GTF2F2: variants seen among roughly 807,000 people sequenced by gnomAD.
GTF2F2 encodes the protein ATP-dependent helicase GTF2F2.
Under a neutral mutation model 42.2 loss-of-function variants are expected in GTF2F2, and 23 were observed. The observed-to-expected ratio is 0.55, with a 90% confidence interval of 0.39 to 0.77. The LOEUF (loss-of-function observed/expected upper bound fraction) is 0.77. Ranked by LOEUF, GTF2F2 falls within the 30% of genes least tolerant of loss-of-function variation. The pLI, the probability that GTF2F2 is intolerant of heterozygous loss-of-function variation, is 0.00. For missense variants in GTF2F2, 261 were observed against 287.2 expected, an observed-to-expected ratio of 0.91 and a Z score of 0.66; for synonymous variants, 105 against 100.8, an observed-to-expected ratio of 1.04 and a Z score of -0.25.
intron 4 of GTF2F2, among the ~76,000 whole-genome samples, chr13:45,176,296 A>C (rs1311493755): frequency 2.0e-5 from 3 of 152,108 alleles, no homozygotes; most frequent in Non-Finnish European, 4.4e-5. Context: ...TTTTTGTTTT[A>C]ACTCCTCTCT....
intron 5 of GTF2F2, among the ~76,000 whole-genome samples, chr13:45,212,532 T>TTCTTTCTCTCTC (rs1265652338): frequency 1.5e-5 from 2 of 137,700 alleles, no homozygotes; most frequent in Non-Finnish European, 3.2e-5. Flanking sequence ...CTTTCTCTCT[T>TTCTTTCTCTCTC]TCTCACTTTC....
At chr13:45,131,913 A>AAG (rs1246131164) in intron 1 of GTF2F2, among the ~76,000 whole-genome samples, 1 of 150,998 alleles carries the variant, frequency 6.6e-6, no homozygotes, top group Non-Finnish European at 1.5e-5. Context: ...AAAAAAAAAA[A>AAG]AAAAAAAAGA....
At chr13:45,124,364 G>C (rs552950690) in intron 1 of GTF2F2, among the ~76,000 whole-genome samples, 15 of 151,688 alleles carry the variant, frequency 9.9e-5, no homozygotes, top group Non-Finnish European at 1.8e-4. Flanking sequence ...TTACAGGCGT[G>C]AGCCACTGCA....
intron 2 of GTF2F2, among the ~76,000 whole-genome samples, chr13:45,139,731 CT>C (rs1388729434): frequency 2.6e-5 from 4 of 152,170 alleles, no homozygotes; most frequent in African/African-American, 4.8e-5. Context: ...AAAGTATAAA[CT>C]CTACCAGGTC....
At chr13:45,205,090 G>A (rs925653139) in intron 4 of GTF2F2, among the ~76,000 whole-genome samples, 3 of 152,150 alleles carry the variant, frequency 2.0e-5, no homozygotes, top group Admixed American at 6.6e-5. Context: ...TAAGTGGGGA[G>A]CATTCACTTA....
intron 2 of GTF2F2, among the ~76,000 whole-genome samples, 178 bp downstream of exon 2, chr13:45,136,984 C>A (rs921361971): frequency 1.1e-4 from 17 of 152,206 alleles, no homozygotes; most frequent in Non-Finnish European, 5.9e-5. Flanking sequence ...CTTGCACATA[C>A]ACACATATCC....
chr13:45,209,324 A>G (rs1196216551), intron 5 of GTF2F2, among the ~76,000 whole-genome samples: 1 of 152,236 alleles, frequency 6.6e-6, no homozygotes, highest in Non-Finnish European at 1.5e-5. Context: ...AGAGTATACC[A>G]TCTAGGTTTG....
intron 5 of GTF2F2, among the ~76,000 whole-genome samples, chr13:45,230,171 G>A (rs767321723): frequency 2.6e-5 from 4 of 151,702 alleles, no homozygotes; most frequent in Non-Finnish European, 4.4e-5. Context: ...AGCCAAGATC[G>A]CACCACTGCA....
chr13:45,160,952 C>G lies in GTF2F2; in HGVS notation c.304+9121C>G, dbSNP rs543055712. Among the ~76,000 whole-genome samples the G allele has an allele frequency of 2.6e-5, 4 of 152,240 alleles. No homozygotes were observed. In the East Asian group the frequency reaches 7.7e-4, roughly 29 times the overall value. Reference sequence around the variant, plus strand: ...GTTGCAACTATGCTTTTCTTTGAGGCAATCATCTTATGTTAGTGTCCAGCA... The same window carrying G: ...GTTGCAACTATGCTTTTCTTTGAGGGAATCATCTTATGTTAGTGTCCAGCA... On this transcript the variant is annotated intron_variant, in intron 4 of 7. Transcript: ENST00000340473.
At chr13:45,223,262 TAAAA>T (rs60690884) in intron 5 of GTF2F2, among the ~76,000 whole-genome samples, 3 of 96,304 alleles carry the variant, frequency 3.1e-5, no homozygotes, top group African/African-American at 1.1e-4. Flanking sequence ...CTTGTCTCAA[TAAAA>T]AAAAAAAAAA....
intron 5 of GTF2F2, among the ~76,000 whole-genome samples, chr13:45,224,766 T>C (rs1046350263): frequency 1.3e-5 from 2 of 152,224 alleles, no homozygotes; most frequent in African/African-American, 4.8e-5. Flanking sequence ...TTGCCAAAGC[T>C]TGTTTTTCTG....
At chr13:45,140,535 A>C (rs1869874269) in intron 2 of GTF2F2, among the ~76,000 whole-genome samples, 1 of 152,176 alleles carries the variant, frequency 6.6e-6, no homozygotes, top group Non-Finnish European at 1.5e-5. Flanking sequence ...TTTTATATGA[A>C]TCCATTAAGA....
In GTF2F2 at chr13:45,169,716, C is replaced by A. The variant is rs545948115; in HGVS notation, c.304+17885C>A. ...GATTTCTCACAAAGTGAACACATCC[C>A]TGTAACCACCACTCAGGTAACAAAA... On this transcript the variant is annotated intron_variant, in intron 4 of 7. Coordinates refer to ENST00000340473, the MANE Select transcript of GTF2F2 (RefSeq NM_004128.3). Among the ~76,000 whole-genome samples, 5 of 152,344 alleles carry A rather than the reference C, an allele frequency of 3.3e-5. No homozygotes were observed. The East Asian group carries it at 9.6e-4, about 29-fold the overall frequency.
chr13:45,175,413 A>G lies in GTF2F2; in HGVS notation c.304+23582A>G, dbSNP rs558588773. Among the ~76,000 whole-genome samples the G allele has an allele frequency of 6.7e-4, 102 of 152,308 alleles. 1 individual carries two copies. Among genetic ancestry groups the G allele is most frequent in the South Asian group, 4.3e-3 (21 of 4,830 alleles). ...CTGCAATAAACATAGGAGTGCAGAC[A>G]TCTCTTCAACATACTGATTTCCTTT... is the stretch of plus-strand genomic sequence containing the variant. On this transcript the variant is annotated intron_variant, in intron 4 of 7. Coordinates refer to ENST00000340473, the MANE Select transcript of GTF2F2 (RefSeq NM_004128.3).
intron 4 of GTF2F2, among the ~76,000 whole-genome samples, chr13:45,183,915 G>C (rs1166573150): frequency 4.6e-5 from 7 of 151,898 alleles, no homozygotes; most frequent in African/African-American, 1.5e-4. Context: ...GGGTACAGTG[G>C]CACGATCTTG....
intron 4 of GTF2F2, chr13:45,206,590 T>C (rs768720418): frequency 1.3e-5 from 2 of 152,214 alleles, no homozygotes; most frequent in Non-Finnish European, 2.9e-5. Flanking sequence ...ACCACAGTCA[T>C]ACATTTCCAG....
chr13:45,253,703 A>G (rs886815458), intron 6 of GTF2F2, among the ~76,000 whole-genome samples: 18 of 152,342 alleles, frequency 1.2e-4, no homozygotes, highest in South Asian at 4.1e-4. Context: ...TTTGTCCAGT[A>G]TATCCACATT....
intron 4 of GTF2F2, among the ~76,000 whole-genome samples, chr13:45,190,874 C>T (rs1434762161): frequency 6.6e-6 from 1 of 150,726 alleles, no homozygotes; most frequent in Non-Finnish European, 1.5e-5. Context: ...CCTCAGCCTC[C>T]CAAGTAGCTG....
intron 5 of GTF2F2, among the ~76,000 whole-genome samples, chr13:45,227,016 C>G (rs1025512194): frequency 4.6e-5 from 7 of 152,112 alleles, no homozygotes; most frequent in Non-Finnish European, 1.0e-4. Context: ...TGGGAGATCT[C>G]TTGAACCTGG....
Sources: gnomAD v4.1 joint callset for allele counts (sites outside exome capture counted in the v4.1 genomes callset) on GRCh38, gnomAD v4.1.1 for gene constraint, MANE v1.5 for transcripts, NCBI Gene and HGNC (gene_info 2026-07-23, HGNC 2026-07-21) for gene names.